The following RAD51B variants were observed in gnomAD, a reference collection of about 807,000 sequenced individuals.
The protein encoded by RAD51B is DNA repair protein RAD51 homolog 2.
RAD51B carries 38 observed loss-of-function variants against 42.2 expected under a neutral mutation model. That is an observed-to-expected ratio of 0.90 (90% CI 0.70 to 1.18). The LOEUF is 1.18. Ranked by LOEUF, RAD51B falls within the 50% of genes most tolerant of loss-of-function variation. RAD51B has a pLI of 0.00. For missense variants in RAD51B, 373 were observed against 400.7 expected (o/e 0.93, Z 0.59); for synonymous variants, 154 against 145.2 (o/e 1.06, Z -0.43).
chr14:68,436,616 G>A (rs1280796054), intron 9 of RAD51B, among the ~76,000 whole-genome samples: 1 of 152,068 alleles, frequency 6.6e-6, no homozygotes, highest in Non-Finnish European at 1.5e-5. Context: ...TGCACAGTAT[G>A]GCCATTTTAA....
chr14:68,508,145 C>G lies in RAD51B; in HGVS notation c.1036+39895C>G, dbSNP rs192297881. Among the ~76,000 whole-genome samples the G allele has an allele frequency of 3.3e-5, 5 of 152,278 alleles. No individual in the cohort carries two copies. In the South Asian group the frequency reaches 1.0e-3, roughly 32 times the overall value. ...GATGCTGATGGGGTCATTTCCCAGG[C>G]TCTGTTCTGGTCCAGTGCAGGGCTC... On this transcript the variant is annotated intron_variant, in intron 10 of 10. Coordinates refer to the RAD51B transcript ENST00000487270.
intron 9 of RAD51B, among the ~76,000 whole-genome samples, chr14:68,424,252 G>T (rs1286042670): frequency 6.6e-6 from 1 of 151,944 alleles, no homozygotes; most frequent in Admixed American, 6.5e-5. Context: ...TCCATTTCAC[G>T]GTTTATCTTT....
At chr14:68,440,065 C>G (rs1408230127) in intron 9 of RAD51B, among the ~76,000 whole-genome samples, 1 of 152,216 alleles carries the variant, frequency 6.6e-6, no homozygotes, top group African/African-American at 2.4e-5. Flanking sequence ...GATTCTAATT[C>G]AGATTCCACC....
At chr14:68,580,913 C>A (rs1890181883) in intron 10 of RAD51B, among the ~76,000 whole-genome samples, 1 of 152,208 alleles carries the variant, frequency 6.6e-6, no homozygotes, top group Admixed American at 6.5e-5. Flanking sequence ...TGGCGGTCAT[C>A]TCTGGAGAAG....
At chr14:67,835,998 AGCT>A (rs2041229822) in intron 4 of RAD51B, among the ~76,000 whole-genome samples, 1 of 152,230 alleles carries the variant, frequency 6.6e-6, no homozygotes, top group Non-Finnish European at 1.5e-5. Flanking sequence ...AACTAAAGTG[AGCT>A]GTTTTTACTT....
At chr14:68,113,247 AAG>A (rs1471985885) in intron 7 of RAD51B, among the ~76,000 whole-genome samples, 15 of 152,220 alleles carry the variant, frequency 9.9e-5, no homozygotes, top group South Asian at 4.1e-4. Flanking sequence ...CATAATAACA[AAG>A]AGTGTCTAAT....
At chr14:67,896,758 G>A (rs530617793) in intron 7 of RAD51B, among the ~76,000 whole-genome samples, 3 of 152,208 alleles carry the variant, frequency 2.0e-5, no homozygotes, top group East Asian at 3.9e-4. Flanking sequence ...TATCCTTTGC[G>A]TTTCTTGAAT....
chr14:68,516,126 T>A (rs1328162753), intron 10 of RAD51B, among the ~76,000 whole-genome samples: 1 of 152,196 alleles, frequency 6.6e-6, no homozygotes, highest in Non-Finnish European at 1.5e-5. Flanking sequence ...ACTCAAGTGA[T>A]TATTGTTGTT....
chr14:68,004,142 G>A (rs1025178037), intron 7 of RAD51B, among the ~76,000 whole-genome samples: 8 of 151,864 alleles, frequency 5.3e-5, no homozygotes, highest in South Asian at 2.1e-4. Flanking sequence ...CATCCTGGCT[G>A]ACACGGTGAA....
intron 9 of RAD51B, among the ~76,000 whole-genome samples, chr14:68,439,180 A>G: frequency 1.3e-5 from 1 of 79,080 alleles, no homozygotes; most frequent in South Asian, 4.0e-4. Context: ...ACACACACAC[A>G]CACACACTCT....
intron 7 of RAD51B, among the ~76,000 whole-genome samples, chr14:68,030,456 G>A (rs2076023852): frequency 6.6e-6 from 1 of 152,154 alleles, no homozygotes; most frequent in Non-Finnish European, 1.5e-5. Flanking sequence ...GAATGGAACG[G>A]CTTCTTTCCT....
At chr14:68,334,480 G>A (rs2082407323) in intron 8 of RAD51B, among the ~76,000 whole-genome samples, 1 of 152,220 alleles carries the variant, frequency 6.6e-6, no homozygotes, top group East Asian at 1.9e-4. Context: ...TGCTGTCTCA[G>A]AGGTGGCAGA....
At chr14:68,220,600 T>A (rs908958477) in intron 7 of RAD51B, among the ~76,000 whole-genome samples, 1 of 152,192 alleles carries the variant, frequency 6.6e-6, no homozygotes, top group African/African-American at 2.4e-5. Context: ...AACATAGTAC[T>A]GGAAGTCCTA....
intron 7 of RAD51B, among the ~76,000 whole-genome samples, chr14:68,187,018 T>C (rs926800647): frequency 6.6e-6 from 1 of 152,188 alleles, no homozygotes; most frequent in Non-Finnish European, 1.5e-5. Flanking sequence ...TGGAATACTA[T>C]GCAGCCATAA....
chr14:68,509,294 A>C (rs563436917), intron 10 of RAD51B, among the ~76,000 whole-genome samples: 1 of 152,338 alleles, frequency 6.6e-6, no homozygotes, highest in Admixed American at 6.5e-5. Flanking sequence ...GAGCATTGCC[A>C]TGTTAAAGCT....
chr14:67,933,941 T>C (rs377710093), intron 7 of RAD51B, among the ~76,000 whole-genome samples: 2 of 152,162 alleles, frequency 1.3e-5, no homozygotes, highest in Non-Finnish European at 1.5e-5. Flanking sequence ...AGTAACAAAT[T>C]TGTCTACTTT....
At chr14:67,865,238 T>C in intron 5 of RAD51B, 99 bp downstream of exon 5, 1 of 1,158,686 alleles carries the variant, frequency 8.6e-7, no homozygotes, top group Non-Finnish European at 1.1e-6. Flanking sequence ...CCCTCCCCCT[T>C]GCCTTTTTTT....
At chr14:68,562,642 G>T in intron 10 of RAD51B, 1 of 985,430 alleles carries the variant, frequency 1.0e-6, no homozygotes, top group Non-Finnish European at 1.2e-6. Context: ...TCAGCTGTGA[G>T]GACCTAAGCA....
chr14:68,474,329 A>G (rs72727481), intron 10 of RAD51B, among the ~76,000 whole-genome samples: 6,494 of 152,296 alleles, frequency 0.043, 186 homozygotes, highest in Non-Finnish European at 0.069. Context: ...GCAGCCTCGT[A>G]TAATCGTTAA....
Sources: allele counts gnomAD v4.1 joint callset (sites outside exome capture counted in the v4.1 genomes callset), GRCh38; gene constraint gnomAD v4.1.1; transcripts MANE v1.5; gene names NCBI Gene and HGNC (gene_info 2026-07-23, HGNC 2026-07-21).